LETMD1: variants seen among roughly 807,000 people sequenced by gnomAD.
LETMD1 encodes the protein LETM1 domain-containing protein 1.
Under a neutral mutation model 43.9 loss-of-function variants are expected in LETMD1, and 30 were observed. The ratio of observed to expected loss-of-function variants is 0.68; its 90% CI spans 0.51 to 0.93. LETMD1 has a LOEUF of 0.93. LETMD1 is among the 40% of genes least tolerant of loss of function. The probability of loss-of-function intolerance (pLI) is 0.00; values close to 1 mark genes in which losing one functional copy is unlikely to be tolerated. For missense variants in LETMD1, 413 were observed against 447.7 expected (o/e 0.92, Z 0.70); for synonymous variants, 176 against 163.1 (o/e 1.08, Z -0.60).
chr12:51,048,222 C>A, upstream of LETMD1: 1 of 1,194,438 alleles, frequency 8.4e-7, no homozygotes, highest in Non-Finnish European at 1.2e-6. Flanking sequence ...CCTCTCCTGG[C>A]TTGTGCTGGA....
chr12:51,068,197 G>A, the LETMD1 span, among the ~76,000 whole-genome samples: 5 of 152,174 alleles, frequency 3.3e-5, no homozygotes, highest in South Asian at 6.2e-4. Flanking sequence ...TCATTCTGTC[G>A]TCCAGGCGGG....
chr12:51,063,537 A>G, downstream of LETMD1: 1 of 410,530 alleles, frequency 2.4e-6, no homozygotes, highest in Non-Finnish European at 4.3e-6. Context: ...TTGCCCCAAG[A>G]CTATCCCCAG....
At chr12:51,063,817 C>A (rs774653334), downstream of LETMD1, 3 of 1,611,028 alleles carry the variant, frequency 1.9e-6, no homozygotes, top group Admixed American at 5.1e-5. Context: ...GAGGTCTTCA[C>A]CATCCCACAG....
the LETMD1 span, among the ~76,000 whole-genome samples, chr12:51,067,366 G>C: frequency 6.6e-6 from 1 of 152,228 alleles, no homozygotes; most frequent in East Asian, 1.9e-4. The surrounding 1 kb of genome is among the most constrained non-coding windows in gnomAD (Gnocchi z 4.1). Context: ...TTAAGAGACA[G>C]GGTCTCACTC....
intron 1 of LETMD1, chr12:51,048,679 C>T (rs985336304): frequency 3.0e-6 from 2 of 668,464 alleles, no homozygotes; most frequent in African/African-American, 3.6e-5. Context: ...CCCATATTGT[C>T]TGGTTTCCCC....
chr12:51,066,309 T>G, the LETMD1 span, among the ~76,000 whole-genome samples: 1 of 151,356 alleles, frequency 6.6e-6, no homozygotes, highest in South Asian at 2.1e-4. Context: ...AAAAATTAGC[T>G]GGGTGTGGTG....
rs1448524733 is a variant in LETMD1 at position 51,048,340 on chromosome 12, C to T, written c.-17C>T. The T allele has an allele frequency of 6.2e-7, 1 of 1,614,082 alleles. No homozygotes were observed. The highest frequency in any genetic ancestry group is 1.1e-5 in the South Asian group (1 of 91,080). ...CCCAAAGACAACCTCTTCTCTCCCG[C>T]TTCTCTCGCTGTGAAGATGGCGCTC... On this transcript the variant is annotated 5_prime_UTR_variant, in exon 1 of 9. Transcript: ENST00000262055.
At chr12:51,067,092 A>G in the LETMD1 span, among the ~76,000 whole-genome samples, 1 of 152,116 alleles carries the variant, frequency 6.6e-6, no homozygotes, top group Non-Finnish European at 1.5e-5. This position sits in a 1 kb window ranked among gnomAD's most constrained non-coding sequence, Gnocchi z 4.1. Context: ...CGGCCTCCCA[A>G]AGTGCTGGGA....
intron 3 of LETMD1, 48 bp from the exon 4 acceptor site, chr12:51,053,730 T>A (rs1191580692): frequency 2.3e-6 from 3 of 1,317,630 alleles, no homozygotes; most frequent in Non-Finnish European, 3.3e-6. Context: ...TCTATTGTAT[T>A]AACAACTTAT....
rs142541695 is a variant in LETMD1, at chr12:51,053,736, C to T, written c.391-42C>T. On this transcript the variant is annotated intron_variant, in intron 3 of 8. Coordinates refer to ENST00000262055, the MANE Select transcript of LETMD1 (RefSeq NM_015416.5). ...GATGGATTGTCTATTGTATTAACAA[C>T]TTATTTGGGTTAAAACTGCATCTGT... The T allele has an allele frequency of 1.9e-5, 27 of 1,385,020 alleles. No individual in the cohort carries two copies. The Middle Eastern group carries it at 1.6e-3, about 83-fold the overall frequency. 85.8% of individuals were successfully genotyped at this position (1,385,020 alleles called of 1,614,324 possible).
Position 51,060,159 on chromosome 12 carries a change from T to A in LETMD1, c.*728T>A, listed in dbSNP as rs1210267712. On this transcript the variant is annotated 3_prime_UTR_variant, in exon 9 of 9. Transcript: ENST00000262055. ...GGGCTGTATTACAGCCCTCTGTGGA[T>A]CTTCAACTCTGCTGCCTCCACTGTG... The A allele has an allele frequency of 6.5e-6, 1 of 152,762 alleles. No individual in the cohort carries two copies. Among genetic ancestry groups the A allele is most frequent in the Non-Finnish European group, 1.5e-5 (1 of 68,146 alleles). The allele number at this position is 152,762 out of a possible 1,614,324, so 9.5% of individuals were successfully genotyped here.
At chr12:51,064,332 A>C (rs1771503841), downstream of LETMD1, 1 of 1,614,072 alleles carries the variant, frequency 6.2e-7, no homozygotes, top group South Asian at 1.1e-5. Context: ...GCTCGAGTCC[A>C]GGCTGGCACT....
downstream of LETMD1, among the ~76,000 whole-genome samples, chr12:51,060,901 C>CAAAAAAAAAA (rs35850463): frequency 1.5e-5 from 1 of 65,488 alleles, no homozygotes; most frequent in Admixed American, 1.8e-4. Flanking sequence ...GATTCTGTCT[C>CAAAAAAAAAA]AAAAAAAAAA....
Position 51,053,861 on chromosome 12 carries a change from G to GT in LETMD1, c.473+2dup, listed in dbSNP as rs771242531. Reference sequence around the variant, plus strand: ...CCAACTACCTGGTCTTCTTGCTAATGTGAGTACAGACTTCCATCTCCCCAA... The same window carrying GT: ...CCAACTACCTGGTCTTCTTGCTAATGTTGAGTACAGACTTCCATCTCCCCAA... On this transcript the variant is annotated splice_donor_variant, in intron 4 of 8. Transcript: ENST00000262055. LOFTEE classifies it high-confidence loss of function. The GT allele has an allele frequency of 3.8e-6, 6 of 1,592,740 alleles. No homozygotes were observed. The highest frequency in any genetic ancestry group is 1.3e-5 in the African/African-American group (1 of 74,278).
the LETMD1 span, among the ~76,000 whole-genome samples, chr12:51,067,409 T>G: frequency 3.9e-5 from 6 of 152,108 alleles, no homozygotes; most frequent in Non-Finnish European, 7.4e-5. This position sits in a 1 kb window ranked among gnomAD's most constrained non-coding sequence, Gnocchi z 4.1. Context: ...TGGTGTGAAC[T>G]CAGCTCACTG....
At chr12:51,060,826 C>T (rs986377654), downstream of LETMD1, among the ~76,000 whole-genome samples, 9 of 146,818 alleles carry the variant, frequency 6.1e-5, no homozygotes, top group African/African-American at 2.0e-4. Context: ...GGCGTGAACC[C>T]GGGAGGCGGA....
chr12:51,061,184 G>A (rs1322972454), downstream of LETMD1: 2 of 152,214 alleles, frequency 1.3e-5, no homozygotes, highest in Non-Finnish European at 2.9e-5. Context: ...GTGGCCTGCC[G>A]AGACAAAGAG....
chr12:51,058,329 T>C (rs1316854430), intron 8 of LETMD1: 1 of 590,346 alleles, frequency 1.7e-6, no homozygotes, highest in Non-Finnish European at 3.0e-6. Flanking sequence ...TAGTGGGGAC[T>C]GTGGAAACCT....
At chr12:51,056,545 C>A (rs1947793758) in intron 7 of LETMD1, 43 bp downstream of exon 7, 3 of 1,611,474 alleles carry the variant, frequency 1.9e-6, no homozygotes, top group Middle Eastern at 3.3e-4. Flanking sequence ...CCTTGGTGTG[C>A]TTTTGAGCCT....
Sources: gnomAD v4.1 joint callset for allele counts (sites outside exome capture counted in the v4.1 genomes callset) on GRCh38, gnomAD v4.1.1 for gene constraint, Gnocchi (gnomAD v3.1) non-coding constraint, MANE v1.5 for transcripts, NCBI Gene and HGNC (gene_info 2026-07-23, HGNC 2026-07-21) for gene names.